Variants in PARD3B observed in about 807,000 individuals in gnomAD.
PARD3B encodes the protein partitioning defective 3 homolog B.
PARD3B carries 103 observed loss-of-function variants against 130.2 expected under a neutral mutation model. The observed-to-expected ratio is 0.79, with a 90% confidence interval of 0.67 to 0.93. The LOEUF (loss-of-function observed/expected upper bound fraction) is 0.93, where lower values mean the gene tolerates loss of function less well. PARD3B is among the 40% of genes least tolerant of loss of function. The pLI is 0.00. For missense variants in PARD3B, 1,609 were observed against 1,499.2 expected (o/e 1.07, Z -1.21); for synonymous variants, 583 against 553.2 (o/e 1.05, Z -0.76).
intron 1 of PARD3B, among the ~76,000 whole-genome samples, chr2:204,642,822 G>C (rs1418901463): frequency 6.6e-6 from 1 of 151,560 alleles, no homozygotes; most frequent in Admixed American, 6.6e-5. Flanking sequence ...GAAAGTGTTT[G>C]GCACCTCTCG....
intron 2 of PARD3B, among the ~76,000 whole-genome samples, chr2:204,939,523 A>G (rs1418959417): frequency 6.6e-6 from 1 of 152,230 alleles, no homozygotes; most frequent in Admixed American, 6.5e-5. Flanking sequence ...AGAGAAATGA[A>G]GACATTATGC....
At chr2:204,645,222 A>G (rs2035231696) in intron 1 of PARD3B, among the ~76,000 whole-genome samples, 1 of 152,212 alleles carries the variant, frequency 6.6e-6, no homozygotes, top group African/African-American at 2.4e-5. Flanking sequence ...ACTTAACTAT[A>G]TTAAACAAAC....
intron 1 of PARD3B, among the ~76,000 whole-genome samples, chr2:204,580,670 C>T (rs537345988): frequency 3.9e-5 from 6 of 152,216 alleles, no homozygotes; most frequent in Admixed American, 2.6e-4. Flanking sequence ...TTGGAGTCCC[C>T]GCCTTCTTAA....
At chr2:205,551,947 G>A (rs1213015934) in intron 21 of PARD3B, among the ~76,000 whole-genome samples, 1 of 152,198 alleles carries the variant, frequency 6.6e-6, no homozygotes, top group African/African-American at 2.4e-5. Flanking sequence ...AGAGCAAAAG[G>A]AAGCACATGA....
At chr2:205,601,453 G>C (rs6740071) in intron 22 of PARD3B, among the ~76,000 whole-genome samples, 44,421 of 152,064 alleles carry the variant, frequency 0.29, 7,209 homozygotes, top group African/African-American at 0.39. Flanking sequence ...TAGGCTGTCT[G>C]CTCATTCTGA....
chr2:204,705,143 T>A (rs2038077655), intron 2 of PARD3B, among the ~76,000 whole-genome samples: 1 of 152,338 alleles, frequency 6.6e-6, no homozygotes, highest in East Asian at 1.9e-4. Context: ...CTCAGCATCT[T>A]ATTTTCAGTG....
At chr2:205,184,683 A>G (rs758935339) in intron 13 of PARD3B, among the ~76,000 whole-genome samples, 10 of 152,104 alleles carry the variant, frequency 6.6e-5, no homozygotes, top group Non-Finnish European at 1.5e-4. Context: ...CAGAGCTTGC[A>G]GTGAGCCAAG....
At chr2:205,194,926 G>A (rs138649473) in intron 15 of PARD3B, among the ~76,000 whole-genome samples, 41 of 150,482 alleles carry the variant, frequency 2.7e-4, no homozygotes, top group African/African-American at 9.8e-4. Flanking sequence ...TTGGATTACA[G>A]GTGTCTGCCA....
At chr2:204,918,886 T>C (rs74868977) in intron 2 of PARD3B, among the ~76,000 whole-genome samples, 59 of 152,072 alleles carry the variant, frequency 3.9e-4, no homozygotes, top group African/African-American at 1.1e-3. Flanking sequence ...TTTTTTTTTT[T>C]CTGGCTCTGT....
intron 18 of PARD3B, among the ~76,000 whole-genome samples, chr2:205,324,596 C>T (rs1042785291): frequency 6.6e-6 from 1 of 152,090 alleles, no homozygotes; most frequent in Admixed American, 6.6e-5. Context: ...CCACCTAGAT[C>T]ACTTCCTCCT....
intron 20 of PARD3B, among the ~76,000 whole-genome samples, chr2:205,445,774 G>A (rs938711638): frequency 6.6e-6 from 1 of 152,202 alleles, no homozygotes; most frequent in Non-Finnish European, 1.5e-5. Flanking sequence ...TAAATCATGG[G>A]TATGGGAATG....
At chr2:205,042,267 G>C (rs114439385) in intron 3 of PARD3B, among the ~76,000 whole-genome samples, 1,890 of 152,256 alleles carry the variant, frequency 0.012, 42 homozygotes, top group African/African-American at 0.043. Context: ...TGGAGAATTA[G>C]AAGATGCACC....
intron 1 of PARD3B, among the ~76,000 whole-genome samples, chr2:204,568,195 A>G (rs2031792357): frequency 6.6e-6 from 1 of 152,224 alleles, no homozygotes; most frequent in Non-Finnish European, 1.5e-5. Flanking sequence ...TTGATGAAAT[A>G]TAGTATTAGA....
intron 22 of PARD3B, among the ~76,000 whole-genome samples, chr2:205,567,139 C>T (rs1369393534): frequency 2.6e-5 from 4 of 151,838 alleles, no homozygotes; most frequent in South Asian, 2.1e-4. Context: ...AATTTACTCT[C>T]AAATGGCTCA....
intron 16 of PARD3B, among the ~76,000 whole-genome samples, chr2:205,249,355 T>G (rs2039736627): frequency 2.0e-5 from 3 of 152,078 alleles, no homozygotes; most frequent in Admixed American, 2.0e-4. Flanking sequence ...ATTCAACATT[T>G]TAATAAATTC....
chr2:204,588,048 C>T (rs1426570165), intron 1 of PARD3B, among the ~76,000 whole-genome samples: 1 of 152,052 alleles, frequency 6.6e-6, no homozygotes, highest in Non-Finnish European at 1.5e-5. Flanking sequence ...TAATACATCC[C>T]CCTTTTGTAA....
intron 19 of PARD3B, among the ~76,000 whole-genome samples, chr2:205,402,854 A>G (rs1183054254): frequency 6.6e-6 from 1 of 152,240 alleles, no homozygotes; most frequent in East Asian, 1.9e-4. Flanking sequence ...ACATTGTCTC[A>G]ATCATGTGCT....
At chr2:205,581,287 T>C (rs890692389) in intron 22 of PARD3B, among the ~76,000 whole-genome samples, 3 of 137,724 alleles carry the variant, frequency 2.2e-5, no homozygotes, top group Non-Finnish European at 4.6e-5. Context: ...TATAGATATA[T>C]AGATAGATAT....
chr2:204,876,458 A>G (rs1051424194), intron 2 of PARD3B, among the ~76,000 whole-genome samples: 1 of 152,200 alleles, frequency 6.6e-6, no homozygotes, highest in African/African-American at 2.4e-5. Flanking sequence ...GATTGAGTTG[A>G]AGGATTTTGA....
Sources: gnomAD v4.1 joint callset for allele counts (sites outside exome capture counted in the v4.1 genomes callset) on GRCh38, gnomAD v4.1.1 for gene constraint, MANE v1.5 for transcripts, NCBI Gene and HGNC (gene_info 2026-07-23, HGNC 2026-07-21) for gene names.